HPS3: variants seen among roughly 807,000 people sequenced by gnomAD.
HPS3 encodes BLOC-2 complex member HPS3.
Under a neutral mutation model 110.9 loss-of-function variants are expected in HPS3, and 79 were observed. That is an observed-to-expected ratio of 0.71 (90% confidence interval 0.59 to 0.86). The LOEUF is 0.86. Ranked by LOEUF, HPS3 falls within the 40% of genes least tolerant of loss-of-function variation. The probability of loss-of-function intolerance (pLI) is 0.00; values close to 1 mark genes in which losing one functional copy is unlikely to be tolerated. For synonymous variants in HPS3, 428 were observed against 451.0 expected (o/e 0.95, Z 0.65); for missense variants, 1,197 against 1,206.2 (o/e 0.99, Z 0.11).
At chr3:149,130,118 GT>G in intron 1 of HPS3, 178 bp downstream of exon 1, 1 of 627,132 alleles carries the variant, frequency 1.6e-6, no homozygotes, top group South Asian at 1.9e-5. Flanking sequence ...GAGCTATGCG[GT>G]TGTCGCGGCA....
chr3:149,141,804 G>A (rs1404096776), intron 4 of HPS3, among the ~76,000 whole-genome samples: 1 of 151,736 alleles, frequency 6.6e-6, no homozygotes, highest in Non-Finnish European at 1.5e-5. Flanking sequence ...CAAAGTGCTA[G>A]GATTACAGGC....
chr3:149,131,508 A>G (rs1232340960), intron 1 of HPS3, among the ~76,000 whole-genome samples: 2 of 152,178 alleles, frequency 1.3e-5, no homozygotes, highest in Non-Finnish European at 2.9e-5. Flanking sequence ...TTACTATTGT[A>G]GTAGTTTTGG....
intron 1 of HPS3, among the ~76,000 whole-genome samples, chr3:149,135,656 G>T (rs995404575): frequency 2.6e-5 from 4 of 152,130 alleles, no homozygotes; most frequent in Non-Finnish European, 5.9e-5. Context: ...AATACAGTGT[G>T]TAAAGCAAAG....
chr3:149,138,181 A>G (rs1722231533), intron 1 of HPS3, among the ~76,000 whole-genome samples: 1 of 152,160 alleles, frequency 6.6e-6, no homozygotes, highest in Non-Finnish European at 1.5e-5. Context: ...AAAAAGAACC[A>G]TCATCAGGAG....
At chr3:149,167,657 T>G (rs902307199) in intron 15 of HPS3, among the ~76,000 whole-genome samples, 4 of 152,188 alleles carry the variant, frequency 2.6e-5, no homozygotes, top group Admixed American at 2.6e-4. Flanking sequence ...AAAATAGCCA[T>G]GTACATATGT....
intron 1 of HPS3, 127 bp downstream of exon 1, chr3:149,130,067 G>T (rs1721663943): frequency 7.0e-6 from 6 of 856,836 alleles, no homozygotes; most frequent in African/African-American, 5.0e-5. Context: ...TTTGCCGGAT[G>T]GTCTCCCTGG....
At chr3:149,168,588 A>G (rs891705262) in intron 16 of HPS3, 1 of 152,318 alleles carries the variant, frequency 6.6e-6, no homozygotes, top group African/African-American at 2.4e-5. Flanking sequence ...AGAAATTGAC[A>G]GTGTTGAAAT....
chr3:149,140,982 A>G (rs1285231395), intron 2 of HPS3, 35 bp from the exon 3 acceptor site: 1 of 1,590,156 alleles, frequency 6.3e-7, no homozygotes, highest in African/African-American at 1.3e-5. Flanking sequence ...TCTAATTTTC[A>G]TTCAAGCAGG....
intron 1 of HPS3, among the ~76,000 whole-genome samples, chr3:149,139,571 AGACTTGT>A (rs1179255699): frequency 6.6e-6 from 1 of 152,218 alleles, no homozygotes; most frequent in Non-Finnish European, 1.5e-5. Flanking sequence ...CCTGTTTCTC[AGACTTGT>A]GACTTGTGGG....
chr3:149,141,091 GA>G lies in HPS3; in HGVS notation c.793del (p.Ser265ValfsTer15), dbSNP rs2108129931. Reference sequence around the variant, plus strand: ...CCAGAAGCCCCTGGAACTTCTTGGTGAAAAAAGTGAACAGTCTGGATTATCT... The same window carrying G: ...CCAGAAGCCCCTGGAACTTCTTGGTGAAAAAGTGAACAGTCTGGATTATCT... Reference protein sequence around the residue: ...ICQKPLELLGEKSEQSGLSVT... With the variant: ...ICQKPLELLGXKSEQSGLSVT... On this transcript the variant is annotated frameshift_variant, in exon 3 of 17. Coordinates refer to ENST00000296051, the MANE Select transcript of HPS3 (RefSeq NM_032383.5). LOFTEE classifies it high-confidence loss of function. 3 of 1,613,358 alleles carry G rather than the reference GA, an allele frequency of 1.9e-6. No homozygotes were observed. Among genetic ancestry groups the G allele is most frequent in the Non-Finnish European group, 2.5e-6 (3 of 1,179,800 alleles).
chr3:149,134,717 A>G (rs1057456486), intron 1 of HPS3, among the ~76,000 whole-genome samples: 2 of 152,228 alleles, frequency 1.3e-5, no homozygotes, highest in Non-Finnish European at 2.9e-5. Flanking sequence ...GGCCATGAGT[A>G]GCATTGTAAC....
Position 149,140,621 on chromosome 3 carries a change from T to C in HPS3, c.712+123T>C, listed in dbSNP as rs556355341. 5,695 of 1,056,918 alleles carry C rather than the reference T, an allele frequency of 5.4e-3. 20 individuals carry two copies. The highest frequency in any genetic ancestry group is 6.8e-3 in the Non-Finnish European group (4,855 of 718,358). 65.5% of individuals were successfully genotyped at this position (1,056,918 alleles called of 1,614,324 possible). ...TGTTATTTATAGATTTAGTTATTCC[T>C]ATTTCATGGGATTTGGTTTTATGAT... On this transcript the variant is annotated intron_variant, in intron 2 of 16. Coordinates refer to ENST00000296051, the MANE Select transcript of HPS3 (RefSeq NM_032383.5).
Position 149,129,679 on chromosome 3 carries a change from C to A in HPS3, c.-45C>A, listed in dbSNP as rs1576653095. The stretch of plus-strand genomic sequence containing the variant: ...TCGCGGTCAGCGCGGGGTCTCCGGG[C>A]GCCCTGCAGGGCGGGCAGGCTGTGC... On this transcript the variant is annotated 5_prime_UTR_variant, in exon 1 of 17. Coordinates refer to ENST00000296051, the MANE Select transcript of HPS3 (RefSeq NM_032383.5). The A allele has an allele frequency of 2.1e-6, 3 of 1,423,110 alleles. No homozygotes were observed. The highest frequency in any genetic ancestry group is 1.4e-5 in the South Asian group (1 of 73,208). 88.2% of individuals were successfully genotyped at this position (1,423,110 alleles called of 1,614,324 possible). A position where few individuals can be genotyped will look rare whatever the true frequency, so the allele number is the denominator to read the frequency against.
At chr3:149,135,756 C>T (rs978370256) in intron 1 of HPS3, among the ~76,000 whole-genome samples, 56 of 152,016 alleles carry the variant, frequency 3.7e-4, no homozygotes, top group Non-Finnish European at 6.9e-4. Context: ...TGGTGGTAGA[C>T]ACTTGTTTAT....
chr3:149,130,156 G>GGGGC (rs1295348039), intron 1 of HPS3: 4 of 575,280 alleles, frequency 7.0e-6, no homozygotes, highest in Non-Finnish European at 1.2e-5. Context: ...TGCTTCTGTC[G>GGGGC]GGGCGGAGAC....
rs1723485505 is a variant in HPS3, at chr3:149,156,809, A to C, written c.1510-541A>C. On this transcript the variant is annotated intron_variant, in intron 8 of 16. Transcript: ENST00000296051. Reference sequence around the variant, plus strand: ...GTCTTTTCAGTCTTGCTTAATTGAAAGTCTTCGTTTAGGTGATTTGACCGC... The same window carrying C: ...GTCTTTTCAGTCTTGCTTAATTGAACGTCTTCGTTTAGGTGATTTGACCGC... Among the ~76,000 whole-genome samples, 3 of 152,124 alleles carry C rather than the reference A, an allele frequency of 2.0e-5. No individual in the cohort carries two copies. In the South Asian group the frequency reaches 6.2e-4, roughly 32 times the overall value.
At position 149,153,546 on chromosome 3, in the gene HPS3, T is replaced by A. The variant is rs1457009586; in HGVS notation, c.1298T>A (p.Ile433Lys). Residue 433 changes from isoleucine to lysine, a missense_variant, in exon 7 of 17, where the codon ATA (isoleucine) becomes AAA (lysine). Physicochemically the swap from Ile to Lys is moderately radical, Grantham distance 102. Transcript: ENST00000296051. ...TGTGCTTTAAGAATACAGCTTTTCA[T>A]AGGCTTGAAAGCCATCTGTCACTTT... ...DVCALRIQLF[I>K]GLKAICHFKN... 1.2e-6 allele frequency: 2 copies of A among 1,613,810 alleles called. No homozygotes were observed. Among genetic ancestry groups the A allele is most frequent in the African/African-American group, 2.7e-5 (2 of 74,918 alleles).
intron 5 of HPS3, among the ~76,000 whole-genome samples, chr3:149,150,123 T>C (rs1161966203): frequency 6.6e-6 from 1 of 152,250 alleles, no homozygotes; most frequent in Non-Finnish European, 1.5e-5. Context: ...TTGCATAGTC[T>C]GTGTTGTCCA....
intron 14 of HPS3, among the ~76,000 whole-genome samples, chr3:149,164,455 T>C (rs1724210899): frequency 6.6e-6 from 1 of 152,196 alleles, no homozygotes; most frequent in African/African-American, 2.4e-5. Context: ...CCTTTAATAA[T>C]TCTGACTGCA....
Sources: allele counts gnomAD v4.1 joint callset (sites outside exome capture counted in the v4.1 genomes callset), GRCh38; gene constraint gnomAD v4.1.1; transcripts MANE v1.5; gene names NCBI Gene and HGNC (gene_info 2026-07-23, HGNC 2026-07-21).